Variants in CTIF observed in about 807,000 individuals in gnomAD.
CTIF encodes the protein cap binding complex dependent translation initiation factor.
A neutral mutation model predicts 66.0 loss-of-function variants in CTIF; 21 were observed. The observed-to-expected ratio is 0.32, with a 90% CI of 0.23 to 0.46. The LOEUF (loss-of-function observed/expected upper bound fraction) is 0.46, where lower values mean the gene tolerates loss of function less well. CTIF is among the 20% of genes least tolerant of loss of function. The pLI, the probability that CTIF is intolerant of heterozygous loss-of-function variation, is 1.00. For synonymous variants in CTIF, 345 were observed against 326.4 expected (o/e 1.06, Z -0.62); for missense variants, 739 against 812.7 (o/e 0.91, Z 1.10).
chr18:48,718,813 GCCATTTATGA>G lies in CTIF; in HGVS notation c.584+7121_584+7130del, dbSNP rs2092306512. Among the ~76,000 whole-genome samples the G allele has an allele frequency of 2.6e-5, 4 of 152,244 alleles. No individual in the cohort carries two copies. In the South Asian group the frequency reaches 8.3e-4, roughly 32 times the overall value. ...CAGGATTCCTCAGACATGGTCAGGG[GCCATTTATGA>G]CCTCATGTAAAGATTTCTTTTACTC... is the stretch of plus-strand genomic sequence containing the variant. On this transcript the variant is annotated intron_variant, in intron 7 of 11. Coordinates refer to ENST00000256413, the MANE Select transcript of CTIF (RefSeq NM_014772.3).
intron 9 of CTIF, among the ~76,000 whole-genome samples, chr18:48,788,259 G>T (rs1052382716): frequency 6.6e-6 from 1 of 152,190 alleles, no homozygotes; most frequent in South Asian, 2.1e-4. Flanking sequence ...TCAGGGGCCA[G>T]TGCGTCCCAG....
chr18:48,695,130 GGAGAGGGAAGAAGT>G (rs1412892303), intron 6 of CTIF, among the ~76,000 whole-genome samples: 1 of 115,384 alleles, frequency 8.7e-6, no homozygotes, highest in Non-Finnish European at 1.6e-5. Flanking sequence ...TTGGAAGAAG[GGAGAGGGAAGAAGT>G]GAGGTGCTCT....
intron 3 of CTIF, among the ~76,000 whole-genome samples, chr18:48,663,525 C>T (rs1236173002): frequency 2.0e-5 from 3 of 151,982 alleles, no homozygotes; most frequent in African/African-American, 7.3e-5. Flanking sequence ...GCAGCAGGGG[C>T]CTGGACCCTT....
chr18:48,729,142 C>G (rs939768557), intron 7 of CTIF, among the ~76,000 whole-genome samples: 15 of 152,174 alleles, frequency 9.9e-5, no homozygotes, highest in African/African-American at 3.6e-4. Flanking sequence ...AGTGAAGACG[C>G]TTCCTGCCTG....
intron 9 of CTIF, among the ~76,000 whole-genome samples, chr18:48,782,930 G>T (rs1911378468): frequency 6.6e-6 from 1 of 152,216 alleles, no homozygotes; most frequent in African/African-American, 2.4e-5. Flanking sequence ...AGCCCATGGG[G>T]CAGGAGTGGG....
intron 7 of CTIF, among the ~76,000 whole-genome samples, chr18:48,744,126 T>C (rs2092576406): frequency 6.6e-6 from 1 of 152,178 alleles, no homozygotes; most frequent in Non-Finnish European, 1.5e-5. Flanking sequence ...TGGCCACCCT[T>C]CAGACTGTGC....
At chr18:48,639,165 A>G (rs538898309) in intron 3 of CTIF, among the ~76,000 whole-genome samples, 1 of 152,382 alleles carries the variant, frequency 6.6e-6, no homozygotes, top group East Asian at 1.9e-4. Flanking sequence ...AGGCTCAGTC[A>G]GAATGCTGGG....
At chr18:48,651,128 A>G (rs925291563) in intron 3 of CTIF, among the ~76,000 whole-genome samples, 2 of 152,250 alleles carry the variant, frequency 1.3e-5, no homozygotes, top group African/African-American at 4.8e-5. Flanking sequence ...TGACAGGATC[A>G]AATTCACACA....
intron 6 of CTIF, among the ~76,000 whole-genome samples, chr18:48,672,704 C>G (rs1478249150): frequency 6.6e-6 from 1 of 152,186 alleles, no homozygotes; most frequent in Non-Finnish European, 1.5e-5. Context: ...CCTACCTGCC[C>G]TCCACTTCTG....
At position 48,686,371 on chromosome 18, in the gene CTIF, CT is replaced by C. The variant is rs564947193; in HGVS notation, c.507+15629del. Among the ~76,000 whole-genome samples the C allele has an allele frequency of 6.6e-5, 10 of 152,298 alleles. No individual in the cohort carries two copies. In the South Asian group the frequency reaches 1.9e-3, roughly 28 times the overall value. ...AAATGTCCCCATTATTCTTTGAGCA[CT>C]TCTTGACTTTCAGGCATGAGAACTT... On this transcript the variant is annotated intron_variant, in intron 6 of 11. Coordinates refer to ENST00000256413, the MANE Select transcript of CTIF (RefSeq NM_014772.3).
chr18:48,648,552 GC>G (rs2091097103), intron 3 of CTIF, among the ~76,000 whole-genome samples: 1 of 151,256 alleles, frequency 6.6e-6, no homozygotes, highest in African/African-American at 2.4e-5. Context: ...TTTGGGTTCT[GC>G]CCCCTGACAC....
chr18:48,800,570 G>C (rs974314151), intron 9 of CTIF, among the ~76,000 whole-genome samples: 9 of 152,198 alleles, frequency 5.9e-5, no homozygotes, highest in African/African-American at 2.2e-4. Context: ...AGGTCAGCCA[G>C]GCTACCCCAT....
intron 5 of CTIF, 66 bp from the exon 6 acceptor site, chr18:48,670,603 G>A (rs1318667260): frequency 7.0e-7 from 1 of 1,438,686 alleles, no homozygotes; most frequent in Non-Finnish European, 9.8e-7. Flanking sequence ...CTCTCCTGCT[G>A]GCCGGATGGG....
intron 9 of CTIF, among the ~76,000 whole-genome samples, chr18:48,791,328 A>C (rs1380757607): frequency 1.3e-5 from 2 of 152,228 alleles, no homozygotes. Flanking sequence ...CTGAGCCCCA[A>C]GCTCTTTTAA....
intron 1 of CTIF, among the ~76,000 whole-genome samples, chr18:48,561,855 G>T (rs1337413034): frequency 4.6e-5 from 7 of 152,206 alleles, no homozygotes; most frequent in African/African-American, 1.7e-4. Flanking sequence ...TAGGGAATTT[G>T]GTCTAGGCTG....
At chr18:48,736,441 G>T (rs2092503888) in intron 7 of CTIF, among the ~76,000 whole-genome samples, 1 of 152,172 alleles carries the variant, frequency 6.6e-6, no homozygotes, top group African/African-American at 2.4e-5. Flanking sequence ...AGCTGGGAGA[G>T]GACTCAAGCA....
At chr18:48,790,869 C>T (rs2067777910) in intron 9 of CTIF, among the ~76,000 whole-genome samples, 1 of 152,200 alleles carries the variant, frequency 6.6e-6, no homozygotes, top group Non-Finnish European at 1.5e-5. Flanking sequence ...TCAGCTGGCT[C>T]ACCTGCTGGG....
chr18:48,668,563 C>G (rs1218523202), intron 5 of CTIF, among the ~76,000 whole-genome samples: 2 of 152,126 alleles, frequency 1.3e-5, no homozygotes, highest in Non-Finnish European at 2.9e-5. Flanking sequence ...GCCTGTTATA[C>G]CTTGCACACC....
intron 7 of CTIF, among the ~76,000 whole-genome samples, chr18:48,752,689 A>T (rs1907954446): frequency 6.6e-6 from 1 of 152,164 alleles, no homozygotes; most frequent in Non-Finnish European, 1.5e-5. Flanking sequence ...TGCAACTGTG[A>T]GTGGCACAGT....
Sources: allele counts gnomAD v4.1 joint callset (sites outside exome capture counted in the v4.1 genomes callset), GRCh38; gene constraint gnomAD v4.1.1; transcripts MANE v1.5; gene names NCBI Gene and HGNC (gene_info 2026-07-23, HGNC 2026-07-21).